Variants in LCORL observed in about 807,000 individuals in gnomAD.
LCORL encodes the protein ligand-dependent nuclear receptor corepressor-like protein.
Under a neutral mutation model 141.8 loss-of-function variants are expected in LCORL, and 41 were observed. The observed-to-expected ratio is 0.29, with a 90% confidence interval of 0.23 to 0.38. LCORL has a LOEUF of 0.38. Among genes scored for constraint, LCORL ranks in the 10% least tolerant of loss-of-function variants. The probability of loss-of-function intolerance (pLI) is 1.00; values close to 1 mark genes in which losing one functional copy is unlikely to be tolerated. For missense variants in LCORL, 1,759 were observed against 2,035.0 expected (o/e 0.86, Z 2.61); for synonymous variants, 618 against 694.1 (o/e 0.89, Z 1.72).
At chr4:17,999,013 T>TATACACAC (rs1721454089) in intron 1 of LCORL, among the ~76,000 whole-genome samples, 2 of 38,862 alleles carry the variant, frequency 5.1e-5, no homozygotes, top group Non-Finnish European at 1.7e-4. Context: ...TACACACATA[T>TATACACAC]ATATATATAT....
chr4:17,900,179 C>T (rs1277493839), intron 5 of LCORL, among the ~76,000 whole-genome samples: 2 of 151,832 alleles, frequency 1.3e-5, no homozygotes, highest in Admixed American at 1.3e-4. Context: ...TTAAAAAGTG[C>T]ACTTTTTAAA....
At chr4:18,000,356 A>G (rs1691435178) in intron 1 of LCORL, among the ~76,000 whole-genome samples, 1 of 152,196 alleles carries the variant, frequency 6.6e-6, no homozygotes, top group Admixed American at 6.5e-5. Context: ...CACTGCACAA[A>G]GAAGGGGGCA....
chr4:17,895,991 T>C (rs1322414391), intron 5 of LCORL, among the ~76,000 whole-genome samples: 1 of 152,224 alleles, frequency 6.6e-6, no homozygotes, highest in Non-Finnish European at 1.5e-5. Flanking sequence ...TGAATAATGC[T>C]GTTATAAACA....
chr4:17,912,042 C>T, intron 4 of LCORL: 3 of 671,068 alleles, frequency 4.5e-6, no homozygotes, highest in Non-Finnish European at 5.6e-6. Context: ...TCTGGGGGCA[C>T]CTGGAGAAGA....
chr4:17,908,321 C>A (rs950003117), intron 5 of LCORL, among the ~76,000 whole-genome samples: 1 of 152,134 alleles, frequency 6.6e-6, no homozygotes, highest in Non-Finnish European at 1.5e-5. Context: ...CGTGAGCCAG[C>A]GCGCCTGGCC....
intron 1 of LCORL, among the ~76,000 whole-genome samples, chr4:17,982,968 C>T (rs1718284904): frequency 6.6e-6 from 1 of 152,164 alleles, no homozygotes; most frequent in South Asian, 2.1e-4. Flanking sequence ...GGTCTAGTTT[C>T]AATTTTCTGC....
chr4:18,015,398 T>A (rs897394894), intron 1 of LCORL, among the ~76,000 whole-genome samples: 1 of 152,296 alleles, frequency 6.6e-6, no homozygotes. Context: ...AGAATTTTAC[T>A]CTTTCAAATA....
intron 5 of LCORL, chr4:17,893,438 T>C: frequency 1.0e-6 from 1 of 984,882 alleles, no homozygotes; most frequent in Non-Finnish European, 1.2e-6. Flanking sequence ...GTCAAAAATA[T>C]AAATTATGCA....
At chr4:17,941,337 T>A (rs190511934) in intron 4 of LCORL, among the ~76,000 whole-genome samples, 4 of 152,108 alleles carry the variant, frequency 2.6e-5, no homozygotes, top group Non-Finnish European at 5.9e-5. Context: ...ACTTATACAT[T>A]TTTATATGCT....
chr4:18,002,287 A>C (rs1337308151), intron 1 of LCORL, among the ~76,000 whole-genome samples: 13 of 152,178 alleles, frequency 8.5e-5, no homozygotes, highest in Admixed American at 8.5e-4. Flanking sequence ...TCATGAATGT[A>C]AACTGTCAGA....
At chr4:17,856,520 G>A (rs1724384604) in intron 7 of LCORL, among the ~76,000 whole-genome samples, 1 of 152,212 alleles carries the variant, frequency 6.6e-6, no homozygotes, top group South Asian at 2.1e-4. Flanking sequence ...ATAATTTTCT[G>A]TGGTTTAAGC....
chr4:17,876,863 T>C, exon 7 of LCORL: 6 of 1,230,822 alleles, frequency 4.9e-6, no homozygotes, highest in Non-Finnish European at 6.1e-6. Context: ...ACAAGTTAGT[T>C]TCTGAACTAT....
intron 7 of LCORL, among the ~76,000 whole-genome samples, chr4:17,846,144 A>G (rs1362807391): frequency 1.3e-5 from 2 of 152,162 alleles, no homozygotes; most frequent in Admixed American, 1.3e-4. Flanking sequence ...AACATTGCAT[A>G]TATGGATTAC....
intron 6 of LCORL, chr4:17,880,351 A>G: frequency 1.5e-6 from 1 of 670,890 alleles, no homozygotes; most frequent in Non-Finnish European, 1.8e-6. Flanking sequence ...TATCCAGTCT[A>G]GAATTTATTC....
At chr4:17,858,832 A>C (rs1371641287) in intron 7 of LCORL, among the ~76,000 whole-genome samples, 1 of 152,154 alleles carries the variant, frequency 6.6e-6, no homozygotes, top group African/African-American at 2.4e-5. Flanking sequence ...CAAGCAGAGA[A>C]AACATAAAGG....
At chr4:17,964,095 T>A (rs555463869) in intron 2 of LCORL, among the ~76,000 whole-genome samples, 1 of 152,244 alleles carries the variant, frequency 6.6e-6, no homozygotes, top group East Asian at 1.9e-4. Context: ...GAAAAGAAGA[T>A]AATATGTTGG....
chr4:17,964,130 C>T (rs1714390054), intron 2 of LCORL, among the ~76,000 whole-genome samples: 1 of 152,162 alleles, frequency 6.6e-6, no homozygotes, highest in South Asian at 2.1e-4. Context: ...AATAACAACT[C>T]CCTTTAATTT....
intron 5 of LCORL, among the ~76,000 whole-genome samples, chr4:17,886,757 T>C (rs928804014): frequency 1.1e-4 from 16 of 152,080 alleles, no homozygotes; most frequent in African/African-American, 3.6e-4. Context: ...ACTAAAGACA[T>C]AATTTACGAT....
chr4:17,941,103 G>A (rs897239091), intron 4 of LCORL, among the ~76,000 whole-genome samples: 3 of 152,116 alleles, frequency 2.0e-5, no homozygotes, highest in African/African-American at 7.2e-5. Context: ...AGGGCCGGGC[G>A]CTGTGGCTCA....
Sources: allele counts gnomAD v4.1 joint callset (sites outside exome capture counted in the v4.1 genomes callset), GRCh38; gene constraint gnomAD v4.1.1; transcripts MANE v1.5; gene names NCBI Gene and HGNC (gene_info 2026-07-23, HGNC 2026-07-21).